The following PARN variants were observed in gnomAD, a reference collection of about 807,000 sequenced individuals.
PARN encodes the protein poly(A)-specific ribonuclease PARN.
Under a neutral mutation model 102.8 loss-of-function variants are expected in PARN, and 71 were observed. That is an observed-to-expected ratio of 0.69 (90% confidence interval 0.57 to 0.84). The LOEUF is 0.84. Ranked by LOEUF, PARN falls within the 40% of genes least tolerant of loss-of-function variation. The pLI, the probability that PARN is intolerant of heterozygous loss-of-function variation, is 0.00. For missense variants in PARN, 782 were observed against 760.9 expected, an observed-to-expected ratio of 1.03 and a Z score of -0.33; for synonymous variants, 261 against 252.9, an observed-to-expected ratio of 1.03 and a Z score of -0.30.
At chr16:14,483,326 G>C (rs2151598151) in intron 21 of PARN, among the ~76,000 whole-genome samples, 1 of 152,262 alleles carries the variant, frequency 6.6e-6, no homozygotes, top group South Asian at 2.1e-4. Context: ...TGTTTTACAT[G>C]CATTATATCT....
At chr16:14,513,221 G>A (rs1301462338) in intron 21 of PARN, among the ~76,000 whole-genome samples, 1 of 151,920 alleles carries the variant, frequency 6.6e-6, no homozygotes, top group Non-Finnish European at 1.5e-5. Flanking sequence ...CACTGCGCCT[G>A]GCCAAAAATA....
intron 22 of PARN, among the ~76,000 whole-genome samples, chr16:14,474,530 T>G (rs907461422): frequency 1.3e-5 from 2 of 152,212 alleles, no homozygotes; most frequent in Non-Finnish European, 2.9e-5. Flanking sequence ...CTACACACTG[T>G]GCACAATATA....
intron 23 of PARN, among the ~76,000 whole-genome samples, chr16:14,439,918 G>A (rs1725654093): frequency 2.0e-5 from 3 of 152,164 alleles, no homozygotes; most frequent in African/African-American, 7.2e-5. Flanking sequence ...AGGAGGCTGA[G>A]GCAGGAGAAT....
chr16:14,613,309 CA>C (rs754334898), intron 6 of PARN, among the ~76,000 whole-genome samples: 119 of 73,392 alleles, frequency 1.6e-3, no homozygotes, highest in East Asian at 1.7e-3. Flanking sequence ...AACTCCATCT[CA>C]AAAAAAAAAA....
chr16:14,532,682 C>T (rs1441349789), intron 21 of PARN, among the ~76,000 whole-genome samples: 3 of 151,972 alleles, frequency 2.0e-5, no homozygotes, highest in African/African-American at 7.2e-5. Context: ...AGCTGCTGGG[C>T]ACACCTCCCA....
At chr16:14,623,407 C>T (rs1972441819) in intron 5 of PARN, among the ~76,000 whole-genome samples, 1 of 151,162 alleles carries the variant, frequency 6.6e-6, no homozygotes, top group Admixed American at 6.6e-5. Flanking sequence ...CCAGCCACTC[C>T]AGAGGCTCAG....
intron 22 of PARN, among the ~76,000 whole-genome samples, chr16:14,466,982 G>C (rs1247290017): frequency 6.8e-6 from 1 of 146,560 alleles, no homozygotes; most frequent in Non-Finnish European, 1.5e-5. Flanking sequence ...AAAAAAAAGA[G>C]GTAGGTGCCT....
intron 10 of PARN, among the ~76,000 whole-genome samples, chr16:14,605,040 G>A (rs1971099516): frequency 6.6e-6 from 1 of 152,124 alleles, no homozygotes. Context: ...TCTGGGTTCA[G>A]ATGATCCTCT....
chr16:14,498,053 G>T (rs1162596077), intron 21 of PARN, among the ~76,000 whole-genome samples: 2 of 150,196 alleles, frequency 1.3e-5, no homozygotes, highest in Non-Finnish European at 3.0e-5. Context: ...GAACCAGGGA[G>T]TCGGAGGTTG....
chr16:14,513,543 A>T (rs1287597443), intron 21 of PARN, among the ~76,000 whole-genome samples: 4 of 152,158 alleles, frequency 2.6e-5, no homozygotes, highest in Non-Finnish European at 5.9e-5. Flanking sequence ...GTTCACTAAG[A>T]GCAAAATCTG....
chr16:14,472,225 C>G (rs905249671), intron 22 of PARN, among the ~76,000 whole-genome samples: 14 of 152,246 alleles, frequency 9.2e-5, no homozygotes, highest in Admixed American at 7.8e-4. Flanking sequence ...ATCAATTTTC[C>G]TGGTTAATCA....
At chr16:14,528,853 A>C (rs1430928729) in intron 21 of PARN, among the ~76,000 whole-genome samples, 1 of 152,232 alleles carries the variant, frequency 6.6e-6, no homozygotes, top group Admixed American at 6.5e-5. Context: ...TGAGTATTCA[A>C]TTAATCACTT....
rs1960675963 is a variant in PARN, at chr16:14,435,992, AAACG to A, written c.*721_*724del. On this transcript the variant is annotated 3_prime_UTR_variant, in exon 24 of 24. Coordinates refer to ENST00000437198, the MANE Select transcript of PARN (RefSeq NM_002582.4). ...CGTACCCCGAGACCGCCATCCAAAC[AAACG>A]AACAGAGACTCTGGAAAGTGAACAC... 6.6e-6 allele frequency: 1 copy of A among 152,288 alleles called. No homozygotes were observed. The highest frequency in any genetic ancestry group is 6.6e-5 in the Admixed American group (1 of 15,258). 9.4% of individuals were successfully genotyped at this position (152,288 alleles called of 1,614,324 possible).
At position 14,518,124 on chromosome 16, in the gene PARN, T is replaced by TA. The variant is rs906418332; in HGVS notation, c.1480+33896dup. ...AACAAAAATTTAATTTGCTCTTTTTTAAAAAACCCTCAAAAATAATAAAAA... is the reference window on the plus strand; with the variant it reads ...AACAAAAATTTAATTTGCTCTTTTTTAAAAAAACCCTCAAAAATAATAAAAA... On this transcript the variant is annotated intron_variant, in intron 21 of 23. Coordinates refer to ENST00000437198, the MANE Select transcript of PARN (RefSeq NM_002582.4). Among the ~76,000 whole-genome samples the TA allele has an allele frequency of 3.3e-5, 5 of 151,362 alleles. No homozygotes were observed. The East Asian group carries it at 7.7e-4, about 23-fold the overall frequency.
Position 14,523,936 on chromosome 16 carries a change from A to G in PARN, c.1480+28085T>C, listed in dbSNP as rs1278126897. ...ACGCCTGGGCTATACAGTATAGCCT[A>G]TTGATCCTAGGCTACAAACCTGCAC... On this transcript the variant is annotated intron_variant, in intron 21 of 23. Coordinates refer to ENST00000437198, the MANE Select transcript of PARN (RefSeq NM_002582.4). Among the ~76,000 whole-genome samples, 4 of 152,118 alleles carry G rather than the reference A, an allele frequency of 2.6e-5. No homozygotes were observed. In the East Asian group the frequency reaches 7.7e-4, roughly 29 times the overall value.
chr16:14,447,593 C>T (rs1207215310), intron 22 of PARN, among the ~76,000 whole-genome samples: 1 of 152,210 alleles, frequency 6.6e-6, no homozygotes, highest in African/African-American at 2.4e-5. Context: ...AATCTTCTTC[C>T]TTTCCAAAAA....
chr16:14,561,815 A>T (rs1968086184), intron 18 of PARN, among the ~76,000 whole-genome samples: 2 of 152,224 alleles, frequency 1.3e-5, no homozygotes, highest in African/African-American at 4.8e-5. Flanking sequence ...CTACACAATA[A>T]ATAAACAATT....
chr16:14,580,839 G>C lies in PARN; in HGVS notation c.1262+35C>G, dbSNP rs748861841. On this transcript the variant is annotated intron_variant, in intron 18 of 23. Coordinates refer to ENST00000437198, the MANE Select transcript of PARN (RefSeq NM_002582.4). ...AAGATATGAGGCTGTTCCACAGTGA[G>C]AGAACTTGGAAACTGGAACTCTCTG... 11 of 1,301,222 alleles carry C rather than the reference G, an allele frequency of 8.5e-6. No individual in the cohort carries two copies. The East Asian group carries it at 1.6e-4, about 19-fold the overall frequency. 80.6% of individuals were successfully genotyped at this position (1,301,222 alleles called of 1,614,324 possible).
At chr16:14,454,181 C>T (rs764223322) in intron 22 of PARN, among the ~76,000 whole-genome samples, 7 of 152,130 alleles carry the variant, frequency 4.6e-5, no homozygotes, top group East Asian at 1.9e-4. Flanking sequence ...TTATTAGATA[C>T]GCAGTTTGAA....
Sources: gnomAD v4.1 joint callset for allele counts (sites outside exome capture counted in the v4.1 genomes callset) on GRCh38, gnomAD v4.1.1 for gene constraint, MANE v1.5 for transcripts, NCBI Gene and HGNC (gene_info 2026-07-23, HGNC 2026-07-21) for gene names.